Variants in MYO10 observed in about 807,000 individuals in gnomAD.
MYO10 encodes myosin X.
MYO10 carries 133 observed loss-of-function variants against 257.3 expected under a neutral mutation model. The observed-to-expected ratio is 0.52, with a 90% CI of 0.45 to 0.60. The LOEUF is 0.60. Ranked by LOEUF, MYO10 falls within the 20% of genes least tolerant of loss-of-function variation. The pLI, the probability that MYO10 is intolerant of heterozygous loss-of-function variation, is 0.00. For synonymous variants in MYO10, 1,104 were observed against 1,028.6 expected (o/e 1.07, Z -1.40); for missense variants, 2,399 against 2,635.7 (o/e 0.91, Z 1.97).
chr5:16,929,936 GAA>G (rs1746250397), intron 1 of MYO10, among the ~76,000 whole-genome samples: 1 of 151,140 alleles, frequency 6.6e-6, no homozygotes, highest in African/African-American at 2.4e-5. Flanking sequence ...ATAATCAAGG[GAA>G]AAAGTTAGAA....
intron 4 of MYO10, among the ~76,000 whole-genome samples, chr5:16,789,079 G>A (rs1241751623): frequency 6.6e-6 from 1 of 152,142 alleles, no homozygotes; most frequent in South Asian, 2.1e-4. Flanking sequence ...ACACATCAAG[G>A]CTGGCAGTTT....
At position 16,709,932 on chromosome 5, in the gene MYO10, C is replaced by T. The variant is rs3906898; in HGVS notation, c.2169+976G>A. ...ATCATGACTTTCCCTTGCTGAATGTCCAGGAGGTGAAGCCTAAGTACTTTT... is the reference window on the plus strand; with the variant it reads ...ATCATGACTTTCCCTTGCTGAATGTTCAGGAGGTGAAGCCTAAGTACTTTT... On this transcript the variant is annotated intron_variant, in intron 21 of 40. Transcript: ENST00000513610. 6.9e-3 allele frequency among the ~76,000 whole-genome samples: 1,050 copies of T among 152,260 alleles called. 4 individuals are homozygous for T. The highest frequency in any genetic ancestry group is 0.012 in the South Asian group (57 of 4,820).
intron 3 of MYO10, among the ~76,000 whole-genome samples, chr5:16,814,273 C>T (rs1490342121): frequency 6.6e-6 from 1 of 152,162 alleles, no homozygotes; most frequent in African/African-American, 2.4e-5. Context: ...TCCCGAGTAC[C>T]TAGGACTACA....
At position 16,685,728 on chromosome 5, in the gene MYO10, G is replaced by C; in HGVS notation, c.3990+10C>G. 6.8e-7 allele frequency: 1 copy of C among 1,465,814 alleles called. No individual in the cohort carries two copies. Among genetic ancestry groups the C allele is most frequent in the African/African-American group, 1.4e-5 (1 of 70,554 alleles). 90.8% of individuals were successfully genotyped at this position (1,465,814 alleles called of 1,614,324 possible). On this transcript the variant is annotated intron_variant, in intron 29 of 40. Coordinates refer to ENST00000513610, the MANE Select transcript of MYO10 (RefSeq NM_012334.3). ...ACGCCCCACCCCCATCCCACACAGTGCTCCCGTACCACAGCATTCTGTGGG... is the reference window on the plus strand; with the variant it reads ...ACGCCCCACCCCCATCCCACACAGTCCTCCCGTACCACAGCATTCTGTGGG...
At chr5:16,738,875 AG>A (rs1407971041) in intron 19 of MYO10, among the ~76,000 whole-genome samples, 4 of 145,396 alleles carry the variant, frequency 2.8e-5, no homozygotes, top group African/African-American at 1.0e-4. Context: ...TGGGCAACAA[AG>A]GGAGACTCCA....
At chr5:16,805,381 G>A (rs1471923161) in intron 3 of MYO10, among the ~76,000 whole-genome samples, 5 of 137,952 alleles carry the variant, frequency 3.6e-5, no homozygotes, top group Admixed American at 8.2e-5. Flanking sequence ...AGAATCGCTT[G>A]AACCCAGGAA....
chr5:16,761,606 C>A, intron 16 of MYO10, 60 bp from the exon 17 acceptor site: 2 of 1,227,534 alleles, frequency 1.6e-6, no homozygotes, highest in Non-Finnish European at 2.4e-6. Context: ...AGGTCATAAG[C>A]AACTTCCCTG....
At position 16,790,153 on chromosome 5, in the gene MYO10, T is replaced by A. The variant is rs186676521; in HGVS notation, c.467+4493A>T. ...AAATAGAAAAAGACCAAACACTCAA[T>A]TACCAGTCCAGGACATGGTTAAGTA... On this transcript the variant is annotated intron_variant, in intron 4 of 40. Transcript: ENST00000513610. 1.4e-3 allele frequency among the ~76,000 whole-genome samples: 207 copies of A among 152,080 alleles called. 1 individual carries two copies. The highest frequency in any genetic ancestry group is 4.7e-3 in the African/African-American group (195 of 41,500).
At chr5:16,668,103 G>T (rs980229480) in intron 40 of MYO10, among the ~76,000 whole-genome samples, 174 bp downstream of exon 40, 2 of 152,130 alleles carry the variant, frequency 1.3e-5, no homozygotes, top group Admixed American at 1.3e-4. Flanking sequence ...GGTGATCTCA[G>T]ATTTTGGCCT....
At chr5:16,874,571 C>CTA (rs1345618272) in intron 2 of MYO10, among the ~76,000 whole-genome samples, 2 of 152,150 alleles carry the variant, frequency 1.3e-5, no homozygotes, top group Non-Finnish European at 2.9e-5. Flanking sequence ...AGTCTCTTTG[C>CTA]TAAAATATAA....
intron 39 of MYO10, among the ~76,000 whole-genome samples, chr5:16,669,411 A>C (rs576580522): frequency 3.9e-5 from 6 of 152,016 alleles, no homozygotes; most frequent in African/African-American, 1.2e-4. Flanking sequence ...TCACCGTGTT[A>C]GCCAGGATGG....
chr5:16,848,519 A>G (rs1166366482), intron 2 of MYO10, among the ~76,000 whole-genome samples: 3 of 152,166 alleles, frequency 2.0e-5, no homozygotes, highest in Non-Finnish European at 4.4e-5. Context: ...TCTAAAAATA[A>G]TAATGATGAT....
chr5:16,797,462 C>T (rs946367092), intron 3 of MYO10, among the ~76,000 whole-genome samples: 2 of 152,096 alleles, frequency 1.3e-5, no homozygotes, highest in Admixed American at 6.5e-5. Context: ...TATGACCCAG[C>T]GATTCCACTC....
At chr5:16,865,692 T>G (rs960203362) in intron 2 of MYO10, among the ~76,000 whole-genome samples, 1 of 151,756 alleles carries the variant, frequency 6.6e-6, no homozygotes, top group African/African-American at 2.4e-5. Context: ...GCGTCTGTAG[T>G]CCCAGCTACT....
Position 16,694,377 on chromosome 5 carries a change from G to A in MYO10, c.3794C>T (p.Thr1265Met), listed in dbSNP as rs772084488. 60 of 1,613,864 alleles carry A rather than the reference G, an allele frequency of 3.7e-5. 1 individual carries two copies. Among genetic ancestry groups the A allele is most frequent in the South Asian group, 2.5e-4 (23 of 91,076 alleles). The change falls in exon 27 of 41, where the codon ACG becomes ATG. Residue 1265 changes from threonine to methionine, a missense_variant. By Grantham distance (81) the Thr-to-Met change is moderately conservative. Transcript: ENST00000513610. The stretch of plus-strand genomic sequence containing the variant: ...GCCAGGCTTAGCAACCTACTTTGCC[G>A]TTCGCACTTCTACGGTGCCCTTGAG... ...EKLKGTVEVR[T>M]AKEIIDNTTK... is the part of the protein sequence containing the mutation.
chr5:16,858,460 C>T (rs1241685489), intron 2 of MYO10, among the ~76,000 whole-genome samples: 2 of 130,674 alleles, frequency 1.5e-5, no homozygotes, highest in Non-Finnish European at 3.2e-5. Context: ...AAAAAAAAAT[C>T]GAGGTTTAAT....
intron 21 of MYO10, among the ~76,000 whole-genome samples, chr5:16,708,852 T>C (rs935877458): frequency 1.3e-5 from 2 of 152,220 alleles, no homozygotes; most frequent in Admixed American, 6.5e-5. Context: ...TGTGAGCCAC[T>C]GTGCCTGGCT....
intron 3 of MYO10, among the ~76,000 whole-genome samples, chr5:16,811,804 GC>G (rs1386464301): frequency 2.0e-5 from 3 of 152,136 alleles, no homozygotes; most frequent in Non-Finnish European, 4.4e-5. Context: ...TCCCGCCTCA[GC>G]CTCCCAAAGA....
In MYO10 at chr5:16,670,507, C is replaced by A; in HGVS notation, c.5883+19G>T. Reference sequence around the variant, plus strand: ...TGCCAGCACCCAGCCCACCCCAACACACGGCAGCCAGTTCTCACCTCCACA... The same window carrying A: ...TGCCAGCACCCAGCCCACCCCAACAAACGGCAGCCAGTTCTCACCTCCACA... On this transcript the variant is annotated intron_variant, in intron 39 of 40. Coordinates refer to ENST00000513610, the MANE Select transcript of MYO10 (RefSeq NM_012334.3). The A allele has an allele frequency of 6.3e-7, 1 of 1,579,330 alleles. No homozygotes were observed. The highest frequency in any genetic ancestry group is 1.3e-5 in the African/African-American group (1 of 74,486).
Sources: gnomAD v4.1 joint callset for allele counts (sites outside exome capture counted in the v4.1 genomes callset) on GRCh38, gnomAD v4.1.1 for gene constraint, MANE v1.5 for transcripts, NCBI Gene and HGNC (gene_info 2026-07-23, HGNC 2026-07-21) for gene names.